Variants in C10orf67 observed in about 807,000 individuals in gnomAD.
The protein encoded by C10orf67 is uncharacterized protein C10orf67, mitochondrial.
A neutral mutation model predicts 35.6 loss-of-function variants in C10orf67; 60 were observed. That is an observed-to-expected ratio of 1.68 (90% CI 1.37 to 2.09). C10orf67 has a LOEUF of 2.09. C10orf67 is among the 30% of genes most tolerant of loss of function. The pLI is 0.00. For synonymous variants in C10orf67, 167 were observed against 115.8 expected (o/e 1.44, Z -2.84); for missense variants, 474 against 330.2 (o/e 1.44, Z -3.38).
At chr10:23,240,028 TA>T (rs76743557) in intron 12 of C10orf67, among the ~76,000 whole-genome samples, 159 of 147,896 alleles carry the variant, frequency 1.1e-3, no homozygotes, top group Non-Finnish European at 2.0e-3. Context: ...TTACAAACAA[TA>T]AAAAAAAAAT....
intron 10 of C10orf67, among the ~76,000 whole-genome samples, chr10:23,257,154 C>G (rs762064664): frequency 3.3e-5 from 5 of 152,130 alleles, no homozygotes; most frequent in Non-Finnish European, 7.4e-5. Context: ...AGGTGTCCTA[C>G]TATTGCAGGA....
chr10:23,218,307 A>ATTTTTTT (rs371926193), intron 15 of C10orf67, among the ~76,000 whole-genome samples: 6 of 119,084 alleles, frequency 5.0e-5, no homozygotes, highest in South Asian at 2.8e-4. Context: ...CACGAGGCTA[A>ATTTTTTT]TTTTTTTTTT....
At chr10:23,287,988 C>T (rs188847803) in intron 7 of C10orf67, among the ~76,000 whole-genome samples, 2 of 152,054 alleles carry the variant, frequency 1.3e-5, no homozygotes, top group East Asian at 1.9e-4. Flanking sequence ...GGTGAGGCTG[C>T]AGAGAAATAG....
chr10:23,322,288 G>A, intron 3 of C10orf67, 106 bp downstream of exon 3: 1 of 1,208,590 alleles, frequency 8.3e-7, no homozygotes, highest in South Asian at 1.5e-5. Context: ...CACAACTAAT[G>A]CAAATTACAC....
chr10:23,267,184 T>C lies in C10orf67; in HGVS notation c.1035+11A>G, dbSNP rs1452762052. On this transcript the variant is annotated intron_variant, in intron 9 of 15. Transcript: ENST00000636213. Reference sequence around the variant, plus strand: ...AAGAGAAAGAGAGAGAGAAAAAACTTAAATACAAACCTTTACACTTAAGCT... The same window carrying C: ...AAGAGAAAGAGAGAGAGAAAAAACTCAAATACAAACCTTTACACTTAAGCT... 1.4e-6 allele frequency: 1 copy of C among 706,776 alleles called. No homozygotes were observed. Among genetic ancestry groups the C allele is most frequent in the Non-Finnish European group, 2.6e-6 (1 of 382,156 alleles). 43.8% of individuals were successfully genotyped at this position (706,776 alleles called of 1,614,324 possible).
intron 5 of C10orf67, among the ~76,000 whole-genome samples, chr10:23,292,606 T>C (rs938955406): frequency 6.6e-6 from 1 of 152,212 alleles, no homozygotes; most frequent in Non-Finnish European, 1.5e-5. Flanking sequence ...AAGTAAACTA[T>C]TAAAATATTT....
chr10:23,258,380 GC>G (rs1842660227), intron 10 of C10orf67: 1 of 169,274 alleles, frequency 5.9e-6, no homozygotes, highest in Non-Finnish European at 1.4e-5. Context: ...TTTCTGATTG[GC>G]ACCTTTCTAT....
rs1313699858 is a variant in C10orf67, at chr10:23,344,775, C to CATGATG, written c.-2_-1insCATCAT. 6.4e-7 allele frequency: 1 copy of CATGATG among 1,557,612 alleles called. No homozygotes were observed. The highest frequency in any genetic ancestry group is 1.9e-5 in the Admixed American group (1 of 51,676). The stretch of plus-strand genomic sequence containing the variant: ...CCCTGCGATCCCGGACCAAGGCCAT[C>CATGATG]ATAAGAGGAGAGCAGGCTGCCTAAT... On this transcript the variant is annotated 5_prime_UTR_variant, in exon 1 of 16. In the 5' UTR this introduces an upstream ATG that the reference lacks. Coordinates refer to ENST00000636213, the MANE Select transcript of C10orf67 (RefSeq NM_001371909.1).
At position 23,213,880 on chromosome 10, in the gene C10orf67, A is replaced by G. The variant is rs555159308; in HGVS notation, c.1571-9625T>C. 1.3e-3 allele frequency among the ~76,000 whole-genome samples: 201 copies of G among 152,256 alleles called. 1 individual carries two copies. The highest frequency in any genetic ancestry group is 4.5e-3 in the African/African-American group (189 of 41,576). On this transcript the variant is annotated intron_variant, in intron 15 of 15. Transcript: ENST00000636213. ...CAATAATCACAATTGTAAACAATAA[A>G]TTCACCTGTTAAAAAGTAGATTTTA...
intron 4 of C10orf67, among the ~76,000 whole-genome samples, chr10:23,310,854 C>T (rs1844468578): frequency 6.6e-6 from 1 of 152,222 alleles, no homozygotes; most frequent in South Asian, 2.1e-4. Context: ...TTGTCCATTT[C>T]CAAATTCAAG....
intron 13 of C10orf67, among the ~76,000 whole-genome samples, chr10:23,236,957 T>C (rs939073548): frequency 8.5e-5 from 13 of 152,154 alleles, no homozygotes; most frequent in Admixed American, 7.9e-4. Context: ...TTGTGTATCA[T>C]GGGGGTTTGC....
At chr10:23,293,650 T>C (rs1213313455) in intron 5 of C10orf67, among the ~76,000 whole-genome samples, 5 of 152,222 alleles carry the variant, frequency 3.3e-5, no homozygotes, top group African/African-American at 1.2e-4. Flanking sequence ...CCATGATCAT[T>C]CTGGAATTTC....
chr10:23,251,468 T>C (rs1276089718), intron 10 of C10orf67, among the ~76,000 whole-genome samples: 1 of 152,172 alleles, frequency 6.6e-6, no homozygotes, highest in Non-Finnish European at 1.5e-5. Flanking sequence ...ATCAATAATG[T>C]TTATATTTTG....
At position 23,290,547 on chromosome 10, in the gene C10orf67, T is replaced by A. The variant is rs182818795; in HGVS notation, c.850+585A>T. On this transcript the variant is annotated intron_variant, in intron 6 of 15. Transcript: ENST00000636213. ...TAGAGCAATCTCACCTTGGTGATTA[T>A]TTTTTTCTCTTTTCCACATGTTCTA... Among the ~76,000 whole-genome samples, 21 of 152,334 alleles carry A rather than the reference T, an allele frequency of 1.4e-4. No homozygotes were observed. The East Asian group carries it at 3.9e-3, about 28-fold the overall frequency.
intron 4 of C10orf67, among the ~76,000 whole-genome samples, chr10:23,314,335 C>G (rs913072714): frequency 6.6e-6 from 1 of 151,616 alleles, no homozygotes; most frequent in Non-Finnish European, 1.5e-5. Flanking sequence ...AAAACACACA[C>G]GTTTGGCCAG....
At chr10:23,310,465 T>C (rs1192353523) in intron 4 of C10orf67, among the ~76,000 whole-genome samples, 1 of 152,210 alleles carries the variant, frequency 6.6e-6, no homozygotes, top group Non-Finnish European at 1.5e-5. Flanking sequence ...CAAGTGTCAA[T>C]TGACAGTAAC....
rs531593544 is a variant in C10orf67, at chr10:23,287,792, C to T, written c.909+2108G>A. ...TTTACAAGAAAAAAACAAACAACCCCATCAAAAAGTGGGCAAAGGATATGA... is the reference window on the plus strand; with the variant it reads ...TTTACAAGAAAAAAACAAACAACCCTATCAAAAAGTGGGCAAAGGATATGA... On this transcript the variant is annotated intron_variant, in intron 7 of 15. Transcript: ENST00000636213. Among the ~76,000 whole-genome samples the T allele has an allele frequency of 1.6e-4, 25 of 152,152 alleles. No individual in the cohort carries two copies. The South Asian group carries it at 4.8e-3, about 29-fold the overall frequency.
chr10:23,239,359 G>A (rs1218039288), intron 13 of C10orf67, among the ~76,000 whole-genome samples: 1 of 151,946 alleles, frequency 6.6e-6, no homozygotes, highest in Admixed American at 6.6e-5. Context: ...TTTTCCTTTG[G>A]ATGTGACTGG....
intron 3 of C10orf67, among the ~76,000 whole-genome samples, chr10:23,321,521 G>A (rs1844954751): frequency 6.6e-6 from 1 of 152,060 alleles, no homozygotes; most frequent in Admixed American, 6.5e-5. Context: ...CCTCAAATAG[G>A]CTTTAGAGTC....
Sources: allele counts gnomAD v4.1 joint callset (sites outside exome capture counted in the v4.1 genomes callset), GRCh38; gene constraint gnomAD v4.1.1; transcripts MANE v1.5; gene names NCBI Gene and HGNC (gene_info 2026-07-23, HGNC 2026-07-21).